Variants in MTSS1 observed in about 807,000 individuals in gnomAD.
MTSS1 encodes the protein protein MTSS 1.
A neutral mutation model predicts 79.0 loss-of-function variants in MTSS1; 18 were observed. That is an observed-to-expected ratio of 0.23 (90% confidence interval 0.16 to 0.34). The LOEUF is 0.34. MTSS1 is among the 10% of genes least tolerant of loss of function. The pLI is 1.00. For missense variants in MTSS1, 815 were observed against 986.2 expected (o/e 0.83, Z 2.33); for synonymous variants, 341 against 368.6 (o/e 0.93, Z 0.86).
intron 3 of MTSS1, among the ~76,000 whole-genome samples, chr8:124,698,506 C>CTTTT (rs148481676): frequency 8.0e-6 from 1 of 124,766 alleles, no homozygotes. Context: ...TGTTGCTTTT[C>CTTTT]TTTTTTTTTT....
At chr8:124,555,950 G>T (rs3838713) in intron 12 of MTSS1, 46 bp from the exon 13 acceptor site, 4 of 1,531,268 alleles carry the variant, frequency 2.6e-6, no homozygotes, top group South Asian at 2.3e-5. Flanking sequence ...TAGGGGGGGG[G>T]CTCAACAGCA....
chr8:124,567,258 G>T (rs1194743060), intron 7 of MTSS1, 80 bp from the exon 8 acceptor site: 3 of 1,211,690 alleles, frequency 2.5e-6, no homozygotes, highest in Admixed American at 1.8e-5. Context: ...TTTCATTAGG[G>T]TCTCTGTATA....
chr8:124,686,239 CCT>C (rs1389624065), intron 3 of MTSS1, among the ~76,000 whole-genome samples: 1 of 152,186 alleles, frequency 6.6e-6, no homozygotes, highest in Non-Finnish European at 1.5e-5. Flanking sequence ...CTCCCTGAGC[CCT>C]CTCTCCATCA....
At position 124,553,207 on chromosome 8, in the gene MTSS1, C is replaced by T. The variant is rs1563722874; in HGVS notation, c.2053G>A (p.Glu685Lys). ...CTTTCTGGAATTGCCTGTCTGTGCT[C>T]CTCAGGGATACTGGGCTTCGGGCCT... ...LPGPKPSIPEEHRQAIPESEA... is the reference protein window; with the variant it reads ...LPGPKPSIPEKHRQAIPESEA... The change falls in exon 14 of 14, where the codon GAG (glutamate) becomes AAG (lysine). Residue 685 changes from glutamate (E) to lysine (K), a missense_variant. Glu to Lys is a moderately conservative substitution (Grantham distance 56). Around this residue, in one of 2 missense-constraint regions of MTSS1, gnomAD observed 590 missense variants for 620.8 expected, o/e 0.95. Transcript: ENST00000518547. The surrounding 1 kb of genome is among the most constrained non-coding windows in gnomAD (Gnocchi z 6.0). 6.2e-6 allele frequency: 10 copies of T among 1,614,146 alleles called. No homozygotes were observed. The highest frequency in any genetic ancestry group is 1.1e-5 in the South Asian group (1 of 91,086).
intron 11 of MTSS1, 71 bp downstream of exon 11, chr8:124,557,610 G>A (rs1029613558): frequency 7.2e-7 from 1 of 1,392,046 alleles, no homozygotes; most frequent in Non-Finnish European, 9.9e-7. Flanking sequence ...GTCGGGGTGA[G>A]GGGGTTGGAA....
At chr8:124,639,744 G>A (rs892923075) in intron 3 of MTSS1, among the ~76,000 whole-genome samples, 2 of 152,118 alleles carry the variant, frequency 1.3e-5, no homozygotes, top group Non-Finnish European at 2.9e-5. Context: ...GATTACAGGC[G>A]TGAGCCACCG....
intron 6 of MTSS1, 37 bp downstream of exon 6, chr8:124,585,050 C>G: frequency 6.4e-7 from 1 of 1,556,094 alleles, no homozygotes; most frequent in Non-Finnish European, 8.8e-7. Context: ...AGTACTCCAT[C>G]AGGAAGTAAC....
intron 6 of MTSS1, chr8:124,568,984 C>G (rs1209158042): frequency 1.9e-6 from 1 of 532,224 alleles, no homozygotes; most frequent in Non-Finnish European, 2.7e-6. Context: ...AATCAAAGAG[C>G]CTCTGTCTGG....
intron 3 of MTSS1, among the ~76,000 whole-genome samples, chr8:124,656,371 G>C (rs1208700291): frequency 6.6e-6 from 1 of 151,990 alleles, no homozygotes; most frequent in Non-Finnish European, 1.5e-5. Context: ...TCCATTCATA[G>C]GAGGAAAACA....
chr8:124,571,282 A>T (rs1389681302), intron 6 of MTSS1, among the ~76,000 whole-genome samples: 1 of 152,192 alleles, frequency 6.6e-6, no homozygotes, highest in African/African-American at 2.4e-5. Context: ...CACTATGAAA[A>T]CTGTGAGTTT....
intron 11 of MTSS1, among the ~76,000 whole-genome samples, chr8:124,556,852 A>G (rs1823936279): frequency 1.3e-5 from 2 of 152,198 alleles, no homozygotes; most frequent in African/African-American, 2.4e-5. Context: ...TTCCCAGGAA[A>G]CCAGCCTCAA....
rs770751136 is a variant in MTSS1 at position 124,727,865 on chromosome 8, C to T, written c.72+19G>A. The T allele has an allele frequency of 9.5e-6, 15 of 1,572,574 alleles. No homozygotes were observed. The highest frequency in any genetic ancestry group is 1.3e-5 in the Non-Finnish European group (15 of 1,164,032). ...AGAGCGCGGCGGCCGGCGCCGCAGC[C>T]GCACCCCCGGCGTCCTACCTTCATG... is the stretch of plus-strand genomic sequence containing the variant. On this transcript the variant is annotated intron_variant, in intron 1 of 13. Coordinates refer to ENST00000518547, the MANE Select transcript of MTSS1 (RefSeq NM_014751.6). The surrounding 1 kb of genome is among the most constrained non-coding windows in gnomAD (Gnocchi z 4.7).
intron 6 of MTSS1, among the ~76,000 whole-genome samples, chr8:124,578,511 A>C (rs1829422417): frequency 6.6e-6 from 1 of 151,984 alleles, no homozygotes; most frequent in Non-Finnish European, 1.5e-5. Flanking sequence ...TCATCCCAGC[A>C]CTGGCTGGCA....
Position 124,675,261 on chromosome 8 carries a change from A to C in MTSS1, c.208+24265T>G, listed in dbSNP as rs59822473. 3.1e-3 allele frequency among the ~76,000 whole-genome samples: 474 copies of C among 152,344 alleles called. 3 individuals are homozygous for C. The highest frequency in any genetic ancestry group is 0.011 in the African/African-American group (453 of 41,590). On this transcript the variant is annotated intron_variant, in intron 3 of 13. Coordinates refer to ENST00000518547, the MANE Select transcript of MTSS1 (RefSeq NM_014751.6). ...GAAATAATGAATAAAGATGCATAGA[A>C]AACAGGAAAACCCAAGAGCCAGTCC...
intron 9 of MTSS1, among the ~76,000 whole-genome samples, chr8:124,563,815 G>T (rs1490412737): frequency 2.0e-5 from 3 of 152,160 alleles, no homozygotes; most frequent in African/African-American, 7.2e-5. Flanking sequence ...ATTTCTGTCT[G>T]CCTTCCATCT....
chr8:124,712,493 G>A, intron 1 of MTSS1, among the ~76,000 whole-genome samples: 1 of 152,118 alleles, frequency 6.6e-6, no homozygotes, highest in Non-Finnish European at 1.5e-5. Flanking sequence ...TGGGCGTGTG[G>A]GATGACAGAC....
intron 1 of MTSS1, among the ~76,000 whole-genome samples, chr8:124,715,553 C>T (rs569300821): frequency 2.0e-5 from 3 of 152,264 alleles, no homozygotes; most frequent in African/African-American, 7.2e-5. Context: ...CCCTTTGGAA[C>T]GGAGACAGAT....
At chr8:124,587,029 G>A (rs988114279) in intron 5 of MTSS1, among the ~76,000 whole-genome samples, 1 of 152,214 alleles carries the variant, frequency 6.6e-6, no homozygotes, top group Non-Finnish European at 1.5e-5. Context: ...TACCAGCAAA[G>A]GGGAACATTT....
At chr8:124,591,656 G>A (rs1318053507) in intron 3 of MTSS1, among the ~76,000 whole-genome samples, 1 of 152,162 alleles carries the variant, frequency 6.6e-6, no homozygotes, top group Non-Finnish European at 1.5e-5. Context: ...CAACAATTCT[G>A]ACAAAATAAT....
Sources: gnomAD v4.1 joint callset for allele counts (sites outside exome capture counted in the v4.1 genomes callset) on GRCh38, gnomAD v4.1.1 for gene constraint, gnomAD v4.1.1 regional missense constraint, Gnocchi (gnomAD v3.1) non-coding constraint, MANE v1.5 for transcripts, NCBI Gene and HGNC (gene_info 2026-07-23, HGNC 2026-07-21) for gene names.